The following STAG1 variants were observed in gnomAD, a reference collection of about 807,000 sequenced individuals.
The protein encoded by STAG1 is STAG1 cohesin complex component.
STAG1 carries 26 observed loss-of-function variants against 170.9 expected under a neutral mutation model. The observed-to-expected ratio is 0.15, with a 90% CI of 0.11 to 0.21. The LOEUF is 0.21. STAG1 is among the 10% of genes least tolerant of loss of function. The pLI is 1.00. For synonymous variants in STAG1, 514 were observed against 497.7 expected, an observed-to-expected ratio of 1.03 and a Z score of -0.44; for missense variants, 964 against 1,509.5, an observed-to-expected ratio of 0.64 and a Z score of 5.99.
intron 1 of STAG1, among the ~76,000 whole-genome samples, chr3:136,734,452 C>G (rs548404647): frequency 1.3e-5 from 2 of 151,908 alleles, no homozygotes; most frequent in Admixed American, 6.6e-5. Flanking sequence ...TGCCAAAGAG[C>G]CAAAAAACAG....
rs181493584 is a variant in STAG1, at chr3:136,564,133, C to T, written c.394+4632G>A. Among the ~76,000 whole-genome samples the T allele has an allele frequency of 9.7e-4, 148 of 152,266 alleles. 4 individuals carry two copies. The highest frequency in any genetic ancestry group is 6.2e-4 in the Non-Finnish European group (42 of 68,010). On this transcript the variant is annotated intron_variant, in intron 5 of 33. Coordinates refer to ENST00000383202, the MANE Select transcript of STAG1 (RefSeq NM_005862.3). ...GGCTATCCTATAGTTCATTCAATCA[C>T]TGTCTTATATATGAACATTTGGATT...
rs577784820 is a variant in STAG1 at position 136,672,737 on chromosome 3, ACATG to A, written c.-83-41760_-83-41757del. Among the ~76,000 whole-genome samples the A allele has an allele frequency of 6.6e-4, 101 of 152,350 alleles. No individual in the cohort carries two copies. In the South Asian group the frequency reaches 8.3e-3, roughly 12 times the overall value. ...CACAGAGAGGGGGGAGATCCAAGATACATGCTAGTCATATGTGCCAGTCAAAAGA... is the reference window on the plus strand; with the variant it reads ...CACAGAGAGGGGGGAGATCCAAGATACTAGTCATATGTGCCAGTCAAAAGA... On this transcript the variant is annotated intron_variant, in intron 1 of 33. Coordinates refer to ENST00000383202, the MANE Select transcript of STAG1 (RefSeq NM_005862.3).
intron 21 of STAG1, among the ~76,000 whole-genome samples, chr3:136,406,115 A>G (rs1271134030): frequency 6.6e-6 from 1 of 152,204 alleles, no homozygotes; most frequent in Non-Finnish European, 1.5e-5. Flanking sequence ...CTTAATTGTG[A>G]TAGCCAAATA....
chr3:136,381,882 T>C (rs1488192314), intron 22 of STAG1, among the ~76,000 whole-genome samples: 5 of 152,236 alleles, frequency 3.3e-5, no homozygotes, highest in Non-Finnish European at 7.3e-5. Flanking sequence ...CTGATTCTGC[T>C]AAATTAACTC....
chr3:136,458,232 C>T (rs1332969034), intron 13 of STAG1, among the ~76,000 whole-genome samples: 9 of 152,128 alleles, frequency 5.9e-5, no homozygotes, highest in African/African-American at 2.2e-4. Context: ...TCTGAGCTCA[C>T]TGCAACCTCT....
chr3:136,700,882 T>C (rs1190703001), intron 1 of STAG1, among the ~76,000 whole-genome samples: 20 of 134,488 alleles, frequency 1.5e-4, no homozygotes, highest in Middle Eastern at 3.6e-3. Context: ...TTTTCTTTTT[T>C]TTTTTTTTTT....
intron 23 of STAG1, among the ~76,000 whole-genome samples, chr3:136,372,978 T>C (rs1167128066): frequency 6.6e-6 from 1 of 152,190 alleles, no homozygotes; most frequent in Non-Finnish European, 1.5e-5. Context: ...CATCTGGTCC[T>C]GGACTTTTTT....
intron 2 of STAG1, among the ~76,000 whole-genome samples, chr3:136,624,398 C>T (rs1940002467): frequency 1.3e-5 from 2 of 152,104 alleles, no homozygotes; most frequent in Admixed American, 6.5e-5. Context: ...CCGTGCCCAG[C>T]CAATTATTGG....
intron 25 of STAG1, among the ~76,000 whole-genome samples, chr3:136,365,783 G>C (rs1937051992): frequency 6.6e-6 from 1 of 152,044 alleles, no homozygotes; most frequent in South Asian, 2.1e-4. Flanking sequence ...TTTTCTTTTA[G>C]AAAGGTTCAA....
chr3:136,740,174 C>A (rs949473787), intron 1 of STAG1, among the ~76,000 whole-genome samples: 2 of 152,040 alleles, frequency 1.3e-5, no homozygotes. Context: ...TCGCTTGAGG[C>A]GGAGGTTTCA....
chr3:136,745,498 G>A (rs1934890367), intron 1 of STAG1, among the ~76,000 whole-genome samples: 1 of 152,184 alleles, frequency 6.6e-6, no homozygotes, highest in African/African-American at 2.4e-5. Flanking sequence ...TTCCACCTCA[G>A]ATCATCATGC....
chr3:136,502,914 T>G (rs1933556279), intron 7 of STAG1, 135 bp from the exon 8 acceptor site: 1 of 657,822 alleles, frequency 1.5e-6, no homozygotes. Flanking sequence ...AATTTAAGTT[T>G]AAATAAAAGA....
chr3:136,603,031 T>C (rs1938746828), intron 4 of STAG1, among the ~76,000 whole-genome samples: 1 of 152,106 alleles, frequency 6.6e-6, no homozygotes, highest in Non-Finnish European at 1.5e-5. Flanking sequence ...ATTCCAGGAC[T>C]CTTGAACACA....
intron 22 of STAG1, among the ~76,000 whole-genome samples, chr3:136,386,060 G>T (rs543639897): frequency 6.6e-6 from 1 of 152,248 alleles, no homozygotes; most frequent in Non-Finnish European, 1.5e-5. Context: ...AGTCTTGGCC[G>T]GGCGCAGTGG....
intron 1 of STAG1, among the ~76,000 whole-genome samples, chr3:136,678,139 T>A (rs1942199415): frequency 6.6e-6 from 1 of 150,940 alleles, no homozygotes; most frequent in African/African-American, 2.4e-5. Flanking sequence ...TTATTAATTT[T>A]ATGTAATTCA....
intron 1 of STAG1, among the ~76,000 whole-genome samples, chr3:136,744,635 C>T (rs1934842578): frequency 6.6e-6 from 1 of 150,438 alleles, no homozygotes. Flanking sequence ...GTGTTAGCTG[C>T]TGTGAGTCGT....
At chr3:136,468,977 G>T (rs1646706269) in intron 12 of STAG1, among the ~76,000 whole-genome samples, 2 of 152,048 alleles carry the variant, frequency 1.3e-5, no homozygotes, top group South Asian at 2.1e-4. Context: ...GGTATTGATG[G>T]GACGTATCTC....
At chr3:136,711,056 G>GAAAA (rs995028492) in intron 1 of STAG1, among the ~76,000 whole-genome samples, 6 of 148,232 alleles carry the variant, frequency 4.0e-5, no homozygotes, top group African/African-American at 1.2e-4. Context: ...CTTACAAAAA[G>GAAAA]AAAAATATAT....
intron 29 of STAG1, among the ~76,000 whole-genome samples, chr3:136,345,687 A>G (rs1295086612): frequency 2.0e-5 from 3 of 152,156 alleles, no homozygotes; most frequent in African/African-American, 7.2e-5. Flanking sequence ...TTTAATCCCA[A>G]TACATAGTAT....
Sources: gnomAD v4.1 joint callset for allele counts (sites outside exome capture counted in the v4.1 genomes callset) on GRCh38, gnomAD v4.1.1 for gene constraint, MANE v1.5 for transcripts, NCBI Gene and HGNC (gene_info 2026-07-23, HGNC 2026-07-21) for gene names.